The following PCDHGA7 variants were observed in gnomAD, a reference collection of about 807,000 sequenced individuals.
PCDHGA7 encodes protocadherin gamma-A7.
A neutral mutation model predicts 58.3 loss-of-function variants in PCDHGA7; 44 were observed. That is an observed-to-expected ratio of 0.75 (90% CI 0.59 to 0.97). The LOEUF is 0.97. PCDHGA7 is among the 50% of genes least tolerant of loss of function. The pLI is 0.00. For missense variants in PCDHGA7, 1,266 were observed against 1,188.7 expected (o/e 1.06, Z -0.96); for synonymous variants, 516 against 504.2 (o/e 1.02, Z -0.31).
Position 141,486,650 on chromosome 5 carries a change from T to C in PCDHGA7, c.2425-8157T>C, listed in dbSNP as rs1321605826. On this transcript the variant is annotated intron_variant, in intron 1 of 3. Coordinates refer to ENST00000518325, the MANE Select transcript of PCDHGA7 (RefSeq NM_018920.4). The surrounding 1 kb of genome is among the most constrained non-coding windows in gnomAD (Gnocchi z 5.0). ...TGGCTTGAATGCGCTTATCTCCTAC[T>C]CACTCCTGGAGCCCAGGAATCGAGA... is the stretch of plus-strand genomic sequence containing the variant. The C allele has an allele frequency of 6.2e-7, 1 of 1,613,834 alleles. No individual in the cohort carries two copies. Among genetic ancestry groups the C allele is most frequent in the African/African-American group, 1.3e-5 (1 of 74,938 alleles).
In PCDHGA7 at chr5:141,413,371, CGCGGAGT is replaced by C. The variant is rs765391000; in HGVS notation, c.2424+28049_2424+28055del. The C allele has an allele frequency of 3.7e-6, 6 of 1,613,848 alleles. No homozygotes were observed. In the African/African-American group the frequency reaches 8.0e-5, roughly 22 times the overall value. On this transcript the variant is annotated intron_variant, in intron 1 of 3. Coordinates refer to ENST00000518325, the MANE Select transcript of PCDHGA7 (RefSeq NM_018920.4). ...TCTGGCGCCCCGGGAGCTGGCGGAG[CGCGGAGT>C]CCGCATAGTCTCCAGAGGTAGGACG...
chr5:141,430,395 A>C (rs1461176471), intron 1 of PCDHGA7, among the ~76,000 whole-genome samples: 1 of 152,096 alleles, frequency 6.6e-6, no homozygotes, highest in Non-Finnish European at 1.5e-5. Context: ...AAAAAAAAAA[A>C]AGCTCACTAA....
chr5:141,454,796 ATTTTTT>A (rs61612330), intron 1 of PCDHGA7, among the ~76,000 whole-genome samples: 41 of 77,454 alleles, frequency 5.3e-4, no homozygotes, highest in African/African-American at 1.7e-3. Context: ...CATGGTTCTA[ATTTTTT>A]TTTTTTTTTT....
At chr5:141,439,898 C>A (rs1428014089) in intron 1 of PCDHGA7, 2 of 152,344 alleles carry the variant, frequency 1.3e-5, no homozygotes, top group African/African-American at 4.8e-5. Flanking sequence ...ACCAAGGCGA[C>A]TACTGCCTCC....
At chr5:141,415,749 T>TG in intron 1 of PCDHGA7, 2 of 1,214,000 alleles carry the variant, frequency 1.6e-6, no homozygotes, top group Non-Finnish European at 1.1e-6. Context: ...GGTTTTTTTT[T>TG]TTTTTTTTTT....
chr5:141,395,525 G>A, intron 1 of PCDHGA7: 2 of 384,022 alleles, frequency 5.2e-6, no homozygotes, highest in Non-Finnish European at 9.3e-6. Flanking sequence ...CGTCCATACT[G>A]GTAATTTTGC....
At chr5:141,430,641 T>C (rs1332550435) in intron 1 of PCDHGA7, 2 of 902,672 alleles carry the variant, frequency 2.2e-6, no homozygotes, top group East Asian at 5.4e-5. Flanking sequence ...TCCCTGGGAG[T>C]ATGTGGAAAC....
Position 141,489,316 on chromosome 5 carries a change from T to C in PCDHGA7, c.2425-5491T>C, listed in dbSNP as rs2099685399. On this transcript the variant is annotated intron_variant, in intron 1 of 3. Transcript: ENST00000518325. This position sits in a 1 kb window ranked among gnomAD's most constrained non-coding sequence, Gnocchi z 4.5. The stretch of plus-strand genomic sequence containing the variant: ...CATGTTGTCCTTGTGCTGCTGGGGC[T>C]GGGTGTCTGGGCAGCTTCGTTACTC... The C allele has an allele frequency of 1.3e-6, 2 of 1,597,946 alleles. No individual in the cohort carries two copies. Among genetic ancestry groups the C allele is most frequent in the Admixed American group, 1.7e-5 (1 of 58,864 alleles).
At chr5:141,464,558 A>G (rs1276921889) in intron 1 of PCDHGA7, among the ~76,000 whole-genome samples, 2 of 152,176 alleles carry the variant, frequency 1.3e-5, no homozygotes, top group Non-Finnish European at 2.9e-5. Context: ...CCCATCTTGC[A>G]TTCCTACAAA....
At chr5:141,448,185 G>A (rs2098572532) in intron 1 of PCDHGA7, among the ~76,000 whole-genome samples, 1 of 152,020 alleles carries the variant, frequency 6.6e-6, no homozygotes, top group Non-Finnish European at 1.5e-5. Flanking sequence ...CCCTGGTTAT[G>A]TACACTTACA....
At chr5:141,463,460 T>TA (rs1554144871) in intron 1 of PCDHGA7, among the ~76,000 whole-genome samples, 2 of 136,122 alleles carry the variant, frequency 1.5e-5, no homozygotes, top group Non-Finnish European at 3.1e-5. Context: ...TTTTTTTTTT[T>TA]TTTTTTGAGA....
intron 1 of PCDHGA7, chr5:141,410,406 C>A (rs1361000460): frequency 6.2e-7 from 1 of 1,614,050 alleles, no homozygotes; most frequent in Non-Finnish European, 8.5e-7. Flanking sequence ...TGTGTCAAGT[C>A]TGGACCTGTA....
chr5:141,393,453 G>A lies in PCDHGA7; in HGVS notation c.2424+8130G>A, dbSNP rs373805221. On this transcript the variant is annotated intron_variant, in intron 1 of 3. Coordinates refer to ENST00000518325, the MANE Select transcript of PCDHGA7 (RefSeq NM_018920.4). ...GGCTGCTCACCACCTGGTCCTCACGGCCTCGGATGGCGGCAAGCCGCCTCG... is the reference window on the plus strand; with the variant it reads ...GGCTGCTCACCACCTGGTCCTCACGACCTCGGATGGCGGCAAGCCGCCTCG... 113 of 1,613,920 alleles carry A rather than the reference G, an allele frequency of 7.0e-5. 1 individual carries two copies. The highest frequency in any genetic ancestry group is 8.9e-5 in the Non-Finnish European group (105 of 1,179,908).
intron 1 of PCDHGA7, among the ~76,000 whole-genome samples, chr5:141,445,119 T>C (rs975225604): frequency 1.3e-5 from 2 of 152,270 alleles, no homozygotes; most frequent in African/African-American, 4.8e-5. Context: ...TTGTAAATAG[T>C]ATTTTTAAAA....
chr5:141,449,724 A>AT (rs911465424), intron 1 of PCDHGA7, among the ~76,000 whole-genome samples: 1 of 151,176 alleles, frequency 6.6e-6, no homozygotes, highest in African/African-American at 2.4e-5. Context: ...ATATGATATG[A>AT]TTTTTTTATG....
chr5:141,420,022 T>A, intron 1 of PCDHGA7: 3 of 1,614,104 alleles, frequency 1.9e-6, no homozygotes, highest in Middle Eastern at 3.3e-4. Flanking sequence ...CTTTCAGCCC[T>A]ACTGCAGGAG....
Position 141,490,480 on chromosome 5 carries a change from C to G in PCDHGA7, c.2425-4327C>G. On this transcript the variant is annotated intron_variant, in intron 1 of 3. Coordinates refer to ENST00000518325, the MANE Select transcript of PCDHGA7 (RefSeq NM_018920.4). This position sits in a 1 kb window ranked among gnomAD's most constrained non-coding sequence, Gnocchi z 5.4. The stretch of plus-strand genomic sequence containing the variant: ...GCTGCTAACCAGCCAGCCTTTGGAC[C>G]GGGAGGCCACATCCCACTATATCAT... 2.5e-6 allele frequency: 4 copies of G among 1,614,194 alleles called. No homozygotes were observed. The highest frequency in any genetic ancestry group is 3.4e-6 in the Non-Finnish European group (4 of 1,180,050).
intron 1 of PCDHGA7, among the ~76,000 whole-genome samples, chr5:141,424,889 G>A (rs1173725674): frequency 6.6e-6 from 1 of 152,090 alleles, no homozygotes; most frequent in Non-Finnish European, 1.5e-5. Flanking sequence ...ACTTATCTAG[G>A]GTTTTTGATC....
chr5:141,394,493 C>T (rs749651115), intron 1 of PCDHGA7: 2 of 1,614,222 alleles, frequency 1.2e-6, no homozygotes, highest in Non-Finnish European at 1.7e-6. Flanking sequence ...ACAACGCGCC[C>T]GAGATCCTGT....
Sources: gnomAD v4.1 joint callset for allele counts (sites outside exome capture counted in the v4.1 genomes callset) on GRCh38, gnomAD v4.1.1 for gene constraint, Gnocchi (gnomAD v3.1) non-coding constraint, MANE v1.5 for transcripts, NCBI Gene and HGNC (gene_info 2026-07-23, HGNC 2026-07-21) for gene names.